Variants in LARGE1 observed in about 807,000 individuals in gnomAD.
LARGE1 encodes the protein xylosyl- and glucuronyltransferase LARGE1.
LARGE1 carries 43 observed loss-of-function variants against 87.6 expected under a neutral mutation model. The ratio of observed to expected loss-of-function variants is 0.49; its 90% CI spans 0.38 to 0.63. LARGE1 has a LOEUF of 0.63. Among genes scored for constraint, LARGE1 ranks in the 30% least tolerant of loss-of-function variants. The probability of loss-of-function intolerance (pLI) is 0.00; values close to 1 mark genes in which losing one functional copy is unlikely to be tolerated. For missense variants in LARGE1, 802 were observed against 1,000.2 expected, an observed-to-expected ratio of 0.80 and a Z score of 2.67; for synonymous variants, 434 against 394.6, an observed-to-expected ratio of 1.10 and a Z score of -1.18.
chr22:33,331,156 T>C (rs1223098802), intron 10 of LARGE1, among the ~76,000 whole-genome samples: 2 of 152,272 alleles, frequency 1.3e-5, no homozygotes, highest in South Asian at 2.1e-4. Flanking sequence ...TCCTTCTTTT[T>C]TGGCCTTCAA....
At position 33,331,098 on chromosome 22, in the gene LARGE1, G is replaced by T. The variant is rs1380246296; in HGVS notation, c.1287+6548C>A. 2.0e-5 allele frequency among the ~76,000 whole-genome samples: 3 copies of T among 152,148 alleles called. No individual in the cohort carries two copies. The East Asian group carries it at 5.8e-4, about 29-fold the overall frequency. The stretch of plus-strand genomic sequence containing the variant: ...ATGATCACATGGGTCAGGCATTGGG[G>T]TCTGTGAAGAAACTCATCCCAAGGC... On this transcript the variant is annotated intron_variant, in intron 10 of 14. Transcript: ENST00000397394.
At chr22:33,518,706 A>G (rs542858448) in intron 6 of LARGE1, among the ~76,000 whole-genome samples, 52 of 152,224 alleles carry the variant, frequency 3.4e-4, no homozygotes, top group African/African-American at 1.1e-3. Context: ...TTGTTCTCCA[A>G]TGAGGCCCTC....
chr22:33,179,757 T>C (rs377382029), intron 11 of LARGE1, among the ~76,000 whole-genome samples: 4 of 152,198 alleles, frequency 2.6e-5, no homozygotes, highest in Admixed American at 2.0e-4. Flanking sequence ...CTCCTTATTA[T>C]GGAAAGGGTG....
At chr22:33,895,625 C>T (rs3919426) in intron 1 of LARGE1, among the ~76,000 whole-genome samples, 73,675 of 151,954 alleles carry the variant, frequency 0.48, 18,269 homozygotes, top group East Asian at 0.83. Flanking sequence ...CAGGGGTCAC[C>T]CTCTGCTCCT....
chr22:33,866,604 T>C (rs1482339641), intron 1 of LARGE1, among the ~76,000 whole-genome samples: 1 of 152,144 alleles, frequency 6.6e-6, no homozygotes, highest in Admixed American at 6.5e-5. Context: ...GGGGATAATG[T>C]AGCTACATTA....
At chr22:33,346,253 TCTC>T (rs1409352626) in intron 9 of LARGE1, among the ~76,000 whole-genome samples, 1 of 148,944 alleles carries the variant, frequency 6.7e-6, no homozygotes, top group Non-Finnish European at 1.5e-5. Flanking sequence ...CCTTCCTTCC[TCTC>T]TTCTCTCTCT....
chr22:33,200,351 C>T (rs972199259), intron 11 of LARGE1, among the ~76,000 whole-genome samples: 3 of 152,004 alleles, frequency 2.0e-5, no homozygotes, highest in Non-Finnish European at 4.4e-5. Context: ...CAAGTTGTGG[C>T]GAGGATGTGG....
rs551262119 is a variant in LARGE1, at chr22:33,737,298, G to A, written c.106+24073C>T. ...TCTCATTCACTCAGCTGAACTCACT[G>A]AGCATTTACCAGGTACTCTGGCTTT... is the stretch of plus-strand genomic sequence containing the variant. On this transcript the variant is annotated intron_variant, in intron 2 of 14. Coordinates refer to ENST00000397394, the MANE Select transcript of LARGE1 (RefSeq NM_133642.5). Among the ~76,000 whole-genome samples, 5 of 152,256 alleles carry A rather than the reference G, an allele frequency of 3.3e-5. No homozygotes were observed. The East Asian group carries it at 9.6e-4, about 29-fold the overall frequency.
intron 6 of LARGE1, among the ~76,000 whole-genome samples, chr22:33,438,042 C>T: frequency 6.6e-6 from 1 of 152,016 alleles, no homozygotes; most frequent in East Asian, 1.9e-4. Context: ...TCGGGTAACA[C>T]CCTTCTAGGA....
At chr22:33,609,205 T>C (rs927674087) in intron 4 of LARGE1, among the ~76,000 whole-genome samples, 1 of 151,578 alleles carries the variant, frequency 6.6e-6, no homozygotes, top group African/African-American at 2.4e-5. Flanking sequence ...TCTTGGAGAG[T>C]CAGAGGAAGA....
chr22:33,503,616 T>A (rs1214499946), intron 6 of LARGE1, among the ~76,000 whole-genome samples: 1 of 151,854 alleles, frequency 6.6e-6, no homozygotes, highest in Non-Finnish European at 1.5e-5. Flanking sequence ...CTGGCCAATA[T>A]GGTGAAACCA....
intron 6 of LARGE1, among the ~76,000 whole-genome samples, chr22:33,481,220 T>TACACACACACACACACACAC (rs71785834): frequency 6.1e-5 from 9 of 146,620 alleles, no homozygotes; most frequent in African/African-American, 2.3e-4. Flanking sequence ...GCACTATAGA[T>TACACACACACACACACACAC]ACACACACAC....
At chr22:33,812,867 C>A (rs1181292572) in intron 1 of LARGE1, among the ~76,000 whole-genome samples, 4 of 152,190 alleles carry the variant, frequency 2.6e-5, no homozygotes, top group African/African-American at 7.2e-5. Context: ...ACTGTCTGTC[C>A]TTCAAGAAGT....
At chr22:33,244,297 T>G (rs1926657985) in intron 11 of LARGE1, among the ~76,000 whole-genome samples, 1 of 152,182 alleles carries the variant, frequency 6.6e-6, no homozygotes, top group Non-Finnish European at 1.5e-5. Context: ...GCCCGGCCTA[T>G]AGTTTTTAAA....
chr22:33,438,937 G>C (rs531624196), intron 6 of LARGE1, among the ~76,000 whole-genome samples: 1 of 152,090 alleles, frequency 6.6e-6, no homozygotes, highest in Admixed American at 6.6e-5. Context: ...AAGGCCGGGC[G>C]CGGTGGCTCA....
chr22:33,322,112 T>C (rs8139218), intron 10 of LARGE1, among the ~76,000 whole-genome samples: 5,609 of 152,210 alleles, frequency 0.037, 302 homozygotes, highest in African/African-American at 0.13. Context: ...AGCTACTGCG[T>C]CTGGCCTCTC....
the LARGE1 span, among the ~76,000 whole-genome samples, chr22:33,104,924 T>TTTC: frequency 7.4e-6 from 1 of 134,744 alleles, no homozygotes; most frequent in East Asian, 2.5e-4. Flanking sequence ...TCTTTCTTTC[T>TTTC]TTCTTTCTTT....
At chr22:33,443,888 C>T (rs986934232) in intron 6 of LARGE1, among the ~76,000 whole-genome samples, 2 of 152,258 alleles carry the variant, frequency 1.3e-5, no homozygotes, top group East Asian at 1.9e-4. Context: ...GCTGCCGCCA[C>T]CTCTCAGACG....
chr22:33,863,563 C>A (rs1190947026), intron 1 of LARGE1, among the ~76,000 whole-genome samples: 2 of 151,064 alleles, frequency 1.3e-5, no homozygotes, highest in African/African-American at 4.9e-5. Flanking sequence ...CGAGACCAGC[C>A]TGACCAACAT....
Sources: allele counts gnomAD v4.1 joint callset (sites outside exome capture counted in the v4.1 genomes callset), GRCh38; gene constraint gnomAD v4.1.1; transcripts MANE v1.5; gene names NCBI Gene and HGNC (gene_info 2026-07-23, HGNC 2026-07-21).